The following AGBL4 variants were observed in gnomAD, a reference collection of about 807,000 sequenced individuals.
The protein encoded by AGBL4 is AGBL carboxypeptidase 4.
AGBL4 carries 58 observed loss-of-function variants against 66.4 expected under a neutral mutation model. The observed-to-expected ratio is 0.87, with a 90% CI of 0.71 to 1.09. The LOEUF (loss-of-function observed/expected upper bound fraction) is 1.09. AGBL4 is among the 50% of genes least tolerant of loss of function. The pLI, the probability that AGBL4 is intolerant of heterozygous loss-of-function variation, is 0.00. For synonymous variants in AGBL4, 234 were observed against 222.9 expected, an observed-to-expected ratio of 1.05 and a Z score of -0.44; for missense variants, 579 against 631.0, an observed-to-expected ratio of 0.92 and a Z score of 0.88.
At chr1:49,258,420 C>G (rs989214218) in intron 3 of AGBL4, among the ~76,000 whole-genome samples, 34 of 152,108 alleles carry the variant, frequency 2.2e-4, no homozygotes, top group African/African-American at 8.2e-4. Flanking sequence ...AAAATTTAGA[C>G]GAATGTATAA....
intron 6 of AGBL4, among the ~76,000 whole-genome samples, chr1:48,696,083 A>G (rs1272370495): frequency 1.3e-5 from 2 of 152,182 alleles, no homozygotes; most frequent in Non-Finnish European, 2.9e-5. Context: ...CCACAGAGCC[A>G]GGGTGCTTCT....
intron 6 of AGBL4, among the ~76,000 whole-genome samples, chr1:48,841,297 A>T (rs1354182158): frequency 6.6e-6 from 1 of 151,952 alleles, no homozygotes; most frequent in Non-Finnish European, 1.5e-5. Flanking sequence ...CAGCTTTCCC[A>T]TATTGGCATT....
intron 1 of AGBL4, among the ~76,000 whole-genome samples, chr1:50,009,265 C>G (rs372900226): frequency 6.6e-6 from 1 of 152,068 alleles, no homozygotes; most frequent in Non-Finnish European, 1.5e-5. Context: ...AAATCCTCAA[C>G]AAAATACTGG....
At chr1:49,797,812 C>A (rs1037769318) in intron 2 of AGBL4, among the ~76,000 whole-genome samples, 1 of 151,776 alleles carries the variant, frequency 6.6e-6, no homozygotes, top group African/African-American at 2.4e-5. Context: ...ACTCTGTTGC[C>A]CAGACTGGAG....
chr1:49,845,958 C>A, intron 2 of AGBL4: 1 of 1,545,290 alleles, frequency 6.5e-7, no homozygotes, highest in South Asian at 1.1e-5. Flanking sequence ...CACAGCTTGT[C>A]CCTCACCAAA....
intron 6 of AGBL4, among the ~76,000 whole-genome samples, chr1:48,690,643 C>T (rs12239255): frequency 0.061 from 9,324 of 151,752 alleles, 922 homozygotes; most frequent in African/African-American, 0.21. Context: ...CTACTTACGT[C>T]CTATTTTTCC....
chr1:49,824,103 G>A (rs970384082), intron 2 of AGBL4, among the ~76,000 whole-genome samples: 1 of 152,076 alleles, frequency 6.6e-6, no homozygotes, highest in Non-Finnish European at 1.5e-5. Flanking sequence ...CAGCTACTTG[G>A]GAGGCTCAGA....
intron 6 of AGBL4, among the ~76,000 whole-genome samples, chr1:48,689,371 G>A (rs566435609): frequency 6.0e-4 from 90 of 150,862 alleles, no homozygotes; most frequent in Non-Finnish European, 9.7e-4. Flanking sequence ...TATGGATGAC[G>A]GTCACCTACC....
chr1:49,303,962 T>C lies in AGBL4; in HGVS notation c.283-58098A>G, dbSNP rs180691928. 4.3e-3 allele frequency among the ~76,000 whole-genome samples: 653 copies of C among 152,350 alleles called. 4 individuals carry two copies. Among genetic ancestry groups the C allele is most frequent in the Admixed American group, 0.014 (209 of 15,296 alleles). On this transcript the variant is annotated intron_variant, in intron 3 of 13. Transcript: ENST00000371839. ...TCACTCTGGTGATAGTTTCTTTTGC[T>C]GTGCAGAAGCTCTTTAGTTTAATTA...
At chr1:48,780,210 G>A (rs1027849493) in intron 6 of AGBL4, among the ~76,000 whole-genome samples, 9 of 17,248 alleles carry the variant, frequency 5.2e-4, no homozygotes, top group Admixed American at 1.7e-3. Context: ...TACAGGCCCC[G>A]GTATGTGATG....
chr1:49,072,743 T>A (rs1055522151), intron 4 of AGBL4, among the ~76,000 whole-genome samples: 1 of 152,192 alleles, frequency 6.6e-6, no homozygotes, highest in African/African-American at 2.4e-5. Context: ...TCTCGAGGAA[T>A]ATCTTTGTGG....
At chr1:48,683,108 A>G (rs4620582) in intron 6 of AGBL4, among the ~76,000 whole-genome samples, 20,312 of 152,152 alleles carry the variant, frequency 0.13, 4,385 homozygotes, top group African/African-American at 0.45. Context: ...TAGACACCTC[A>G]CTCAACTTCA....
chr1:48,994,131 A>G (rs767292309), intron 5 of AGBL4, among the ~76,000 whole-genome samples: 6 of 151,886 alleles, frequency 4.0e-5, no homozygotes, highest in Admixed American at 3.3e-4. Flanking sequence ...TTCATTTTCT[A>G]CTTCTTTCCC....
At chr1:49,660,434 TA>T (rs755379899) in intron 3 of AGBL4, among the ~76,000 whole-genome samples, 1 of 152,114 alleles carries the variant, frequency 6.6e-6, no homozygotes, top group African/African-American at 2.4e-5. Flanking sequence ...TGGCTATTGT[TA>T]AAAAGTCAAG....
chr1:48,821,406 T>C (rs1372380768), intron 6 of AGBL4, among the ~76,000 whole-genome samples: 1 of 152,180 alleles, frequency 6.6e-6, no homozygotes, highest in Non-Finnish European at 1.5e-5. Flanking sequence ...TGAAATACTA[T>C]GCAGCCATGA....
intron 4 of AGBL4, among the ~76,000 whole-genome samples, chr1:49,227,099 C>T (rs1237405272): frequency 3.3e-5 from 5 of 152,340 alleles, no homozygotes; most frequent in Non-Finnish European, 7.3e-5. Context: ...GATTTCAACA[C>T]ATGAATTTTG....
At chr1:49,451,835 C>T (rs1007913470) in intron 3 of AGBL4, among the ~76,000 whole-genome samples, 6 of 151,790 alleles carry the variant, frequency 4.0e-5, no homozygotes, top group Admixed American at 2.6e-4. Context: ...GAAAAAATTA[C>T]CTCACCCATT....
At chr1:48,742,801 GA>G in intron 6 of AGBL4, 3 of 1,485,736 alleles carry the variant, frequency 2.0e-6, no homozygotes, top group Non-Finnish European at 1.8e-6. Flanking sequence ...AATCTGTCTA[GA>G]ACTCCAAGGA....
intron 4 of AGBL4, among the ~76,000 whole-genome samples, chr1:49,099,490 A>G (rs1304636593): frequency 2.6e-5 from 4 of 152,180 alleles, no homozygotes; most frequent in African/African-American, 7.2e-5. Context: ...CTAAGCTGCA[A>G]AACAAGATCA....
Sources: gnomAD v4.1 joint callset for allele counts (sites outside exome capture counted in the v4.1 genomes callset) on GRCh38, gnomAD v4.1.1 for gene constraint, MANE v1.5 for transcripts, NCBI Gene and HGNC (gene_info 2026-07-23, HGNC 2026-07-21) for gene names.